KCNJ6: variants seen among roughly 807,000 people sequenced by gnomAD.
KCNJ6 encodes the protein G protein-activated inward rectifier potassium channel 2.
A neutral mutation model predicts 34.2 loss-of-function variants in KCNJ6; 9 were observed. That is an observed-to-expected ratio of 0.26 (90% CI 0.16 to 0.46). The LOEUF (loss-of-function observed/expected upper bound fraction) is 0.46, where lower values mean the gene tolerates loss of function less well. Among genes scored for constraint, KCNJ6 ranks in the 20% least tolerant of loss-of-function variants. The probability of loss-of-function intolerance (pLI) is 1.00; values close to 1 mark genes in which losing one functional copy is unlikely to be tolerated. For missense variants in KCNJ6, 236 were observed against 531.3 expected (o/e 0.44, Z 5.46); for synonymous variants, 196 against 207.1 (o/e 0.95, Z 0.46).
chr21:37,675,735 T>C lies in KCNJ6; in HGVS notation c.946+38476A>G, dbSNP rs772848409. On this transcript the variant is annotated intron_variant, in intron 3 of 3. Transcript: ENST00000609713. This position sits in a 1 kb window ranked among gnomAD's most constrained non-coding sequence, Gnocchi z 4.2. ...AACCAGCAAGCAGGCTCTTATAGACTCTTACACCAAAAGAAGAATTTGGAG... is the reference window on the plus strand; with the variant it reads ...AACCAGCAAGCAGGCTCTTATAGACCCTTACACCAAAAGAAGAATTTGGAG... Among the ~76,000 whole-genome samples the C allele has an allele frequency of 1.3e-5, 2 of 152,190 alleles. No individual in the cohort carries two copies. Among genetic ancestry groups the C allele is most frequent in the Non-Finnish European group, 2.9e-5 (2 of 68,036 alleles).
At chr21:37,906,705 A>G (rs1368111977) in intron 1 of KCNJ6, among the ~76,000 whole-genome samples, 1 of 152,200 alleles carries the variant, frequency 6.6e-6, no homozygotes. Context: ...TCAAGGAGAC[A>G]TGTGGAGTGT....
At chr21:37,736,536 T>C (rs1402590941) in intron 2 of KCNJ6, among the ~76,000 whole-genome samples, 2 of 152,204 alleles carry the variant, frequency 1.3e-5, no homozygotes, top group African/African-American at 4.8e-5. Context: ...GGTAAAACTC[T>C]AGAAGTCCAA....
rs772848409 is a variant in KCNJ6, at chr21:37,675,735, T to A, written c.946+38476A>T. 6.6e-6 allele frequency among the ~76,000 whole-genome samples: 1 copy of A among 152,190 alleles called. No homozygotes were observed. The highest frequency in any genetic ancestry group is 1.5e-5 in the Non-Finnish European group (1 of 68,036). On this transcript the variant is annotated intron_variant, in intron 3 of 3. Coordinates refer to ENST00000609713, the MANE Select transcript of KCNJ6 (RefSeq NM_002240.5). This position sits in a 1 kb window ranked among gnomAD's most constrained non-coding sequence, Gnocchi z 4.2. ...AACCAGCAAGCAGGCTCTTATAGAC[T>A]CTTACACCAAAAGAAGAATTTGGAG...
chr21:37,762,814 C>T (rs1003249505), intron 2 of KCNJ6, among the ~76,000 whole-genome samples: 8 of 152,186 alleles, frequency 5.3e-5, no homozygotes, highest in African/African-American at 1.4e-4. Flanking sequence ...CTGAGCCCCA[C>T]TCCAAGCCAA....
At chr21:37,728,815 T>C (rs1601441506) in intron 2 of KCNJ6, among the ~76,000 whole-genome samples, 1 of 152,214 alleles carries the variant, frequency 6.6e-6, no homozygotes, top group Admixed American at 6.5e-5. Flanking sequence ...TAGTTACAAG[T>C]GGAACCAGAA....
Position 37,751,061 on chromosome 21 carries a change from G to A in KCNJ6, c.26-35930C>T, listed in dbSNP as rs73904429. ...CTCAAATGTATTTGAGTTCCATGAT[G>A]TCTTTTTGAATAAACCACTAAACAA... is the stretch of plus-strand genomic sequence containing the variant. On this transcript the variant is annotated intron_variant, in intron 2 of 3. Coordinates refer to ENST00000609713, the MANE Select transcript of KCNJ6 (RefSeq NM_002240.5). Among the ~76,000 whole-genome samples the A allele has an allele frequency of 2.2e-3, 340 of 152,278 alleles. 4 individuals carry two copies. Among genetic ancestry groups the A allele is most frequent in the African/African-American group, 7.9e-3 (328 of 41,552 alleles).
At position 37,617,217 on chromosome 21, in the gene KCNJ6, C is replaced by CTTCCTTCCTTCTTTTCT. The variant is rs2054275541; in HGVS notation, c.*7941_*7942insAGAAAAGAAGGAAGGAA. 1.7e-5 allele frequency: 2 copies of CTTCCTTCCTTCTTTTCT among 120,066 alleles called. No individual in the cohort carries two copies. The highest frequency in any genetic ancestry group is 3.5e-5 in the Non-Finnish European group (2 of 57,762). The allele number at this position is 120,066 out of a possible 1,614,324, so 7.4% of individuals were successfully genotyped here. A position where few individuals can be genotyped will look rare whatever the true frequency, so the allele number is the denominator to read the frequency against. ...CCTTCCTTCCTTCCTTCCTTCCTTC[C>CTTCCTTCCTTCTTTTCT]TTCTTTTCTTTCTTTTTTTGAGACT... On this transcript the variant is annotated 3_prime_UTR_variant, in exon 4 of 4. Coordinates refer to ENST00000609713, the MANE Select transcript of KCNJ6 (RefSeq NM_002240.5).
rs1156939747 is a variant in KCNJ6 at position 37,615,244 on chromosome 21, C to CTTTTTTTTTTTTTTTTTTTTTTTTTTTT, written c.*9914_*9915insAAAAAAAAAAAAAAAAAAAAAAAAAAAA. On this transcript the variant is annotated 3_prime_UTR_variant, in exon 4 of 4. Coordinates refer to ENST00000609713, the MANE Select transcript of KCNJ6 (RefSeq NM_002240.5). ...ACCCTCGACTGACATTCCCAGCATT[C>CTTTTTTTTTTTTTTTTTTTTTTTTTTTT]TTTTTTTTTTTTTTTTTTTTTTTTT... 1.0e-5 allele frequency: 1 copy of CTTTTTTTTTTTTTTTTTTTTTTTTTTTT among 98,888 alleles called. No homozygotes were observed. The highest frequency in any genetic ancestry group is 4.0e-5 in the African/African-American group (1 of 25,164). The allele number at this position is 98,888 out of a possible 1,614,324, so 6.1% of individuals were successfully genotyped here. A position where few individuals can be genotyped will look rare whatever the true frequency, so the allele number is the denominator to read the frequency against.
At chr21:37,795,431 T>C (rs542720424) in intron 2 of KCNJ6, among the ~76,000 whole-genome samples, 4 of 152,262 alleles carry the variant, frequency 2.6e-5, no homozygotes, top group East Asian at 1.9e-4. Flanking sequence ...CCTTGGGTCA[T>C]GTCCTAAAGA....
intron 3 of KCNJ6, among the ~76,000 whole-genome samples, chr21:37,702,791 C>T (rs1242464892): frequency 2.6e-5 from 4 of 152,216 alleles, no homozygotes; most frequent in Non-Finnish European, 5.9e-5. Context: ...TGGAAAGGCA[C>T]TCTTATTGAG....
At chr21:37,891,953 A>G (rs959214129) in intron 1 of KCNJ6, among the ~76,000 whole-genome samples, 5 of 152,208 alleles carry the variant, frequency 3.3e-5, no homozygotes, top group Non-Finnish European at 5.9e-5. Flanking sequence ...GACACGCATC[A>G]CATGACTCTC....
chr21:37,655,217 GTGTGTGTGAGAGAGAGAGAGAGA>G (rs2054454992), intron 3 of KCNJ6, among the ~76,000 whole-genome samples: 6 of 93,338 alleles, frequency 6.4e-5, no homozygotes, highest in African/African-American at 1.8e-4. Flanking sequence ...GTGTGTGTGT[GTGTGTGTGAGAGAGAGAGAGAGA>G]GAGAGAGAGA....
At chr21:37,647,009 C>G (rs2054408229) in intron 3 of KCNJ6, among the ~76,000 whole-genome samples, 2 of 152,126 alleles carry the variant, frequency 1.3e-5, no homozygotes, top group South Asian at 4.1e-4. Context: ...GCAGCTCTTC[C>G]AAGGTGGTGG....
chr21:37,724,784 T>C (rs967993650), intron 2 of KCNJ6, among the ~76,000 whole-genome samples: 2 of 152,136 alleles, frequency 1.3e-5, no homozygotes, highest in Admixed American at 1.3e-4. Flanking sequence ...GAAGCATTTC[T>C]CAAGGGCATT....
At chr21:37,831,062 C>A (rs1363782845) in intron 2 of KCNJ6, among the ~76,000 whole-genome samples, 1 of 152,126 alleles carries the variant, frequency 6.6e-6, no homozygotes, top group African/African-American at 2.4e-5. Flanking sequence ...GGAAGCCCCC[C>A]TTGCATGGAG....
chr21:37,779,583 T>C (rs6650843), intron 2 of KCNJ6, among the ~76,000 whole-genome samples: 2,480 of 152,240 alleles, frequency 0.016, 69 homozygotes, highest in African/African-American at 0.056. Flanking sequence ...TTACAGAGGC[T>C]GTCAGATAGG....
At chr21:37,710,316 G>A (rs1370234396) in intron 3 of KCNJ6, among the ~76,000 whole-genome samples, 1 of 152,156 alleles carries the variant, frequency 6.6e-6, no homozygotes, top group African/African-American at 2.4e-5. Context: ...TCTTTTAGGG[G>A]CACATACCGA....
At chr21:37,826,772 C>T (rs753813213) in intron 2 of KCNJ6, among the ~76,000 whole-genome samples, 1 of 151,988 alleles carries the variant, frequency 6.6e-6, no homozygotes, top group Non-Finnish European at 1.5e-5. Context: ...ATGAGAAAAC[C>T]TCCATGGGAG....
intron 2 of KCNJ6, among the ~76,000 whole-genome samples, chr21:37,784,732 T>C (rs2055185144): frequency 6.6e-6 from 1 of 152,094 alleles, no homozygotes. Context: ...AGTCTGTGCC[T>C]GCCTGGCTCC....
Sources: allele counts gnomAD v4.1 joint callset (sites outside exome capture counted in the v4.1 genomes callset), GRCh38; gene constraint gnomAD v4.1.1; non-coding constraint Gnocchi (gnomAD v3.1); transcripts MANE v1.5; gene names NCBI Gene and HGNC (gene_info 2026-07-23, HGNC 2026-07-21).